Variants in UBR4 observed in about 807,000 individuals in gnomAD.
The protein encoded by UBR4 is ubiquitin protein ligase E3 component n-recognin 4.
In UBR4, 124 loss-of-function variants were observed where a neutral mutation model predicts 575.6. That is an observed-to-expected ratio of 0.22 (90% confidence interval 0.19 to 0.25). The LOEUF (loss-of-function observed/expected upper bound fraction) is 0.25. Among genes scored for constraint, UBR4 ranks in the 10% least tolerant of loss-of-function variants. The probability of loss-of-function intolerance (pLI) is 1.00; values close to 1 mark genes in which losing one functional copy is unlikely to be tolerated. For missense variants in UBR4, 4,818 were observed against 6,478.8 expected, an observed-to-expected ratio of 0.74 and a Z score of 8.80; for synonymous variants, 2,455 against 2,473.7, an observed-to-expected ratio of 0.99 and a Z score of 0.22.
rs1346213913 is a variant in UBR4, at chr1:19,148,565, T to G, written c.7492A>C (p.Lys2498Gln). Residue 2498 changes from lysine to glutamine, a missense_variant and splice_region_variant, in exon 50 of 106, where the codon AAG (lysine) becomes CAG (glutamine). Around this residue, in one of 29 missense-constraint regions of UBR4, gnomAD observed 340 missense variants for 375.4 expected, o/e 0.91. Transcript: ENST00000375254. ...TGTGCTTTGAAAAAGTGACTTGCCT[T>G]CTCGATGATTGGGCCAACGGCAAAG... The part of the protein sequence containing the change: ...SCFAVGPIIE[K>Q]ERNKNAAQEL... 1.2e-5 allele frequency: 20 copies of G among 1,614,082 alleles called. No individual in the cohort carries two copies. Among genetic ancestry groups the G allele is most frequent in the Non-Finnish European group, 1.5e-5 (18 of 1,180,024 alleles).
chr1:19,182,254 T>A (rs1243160059), intron 17 of UBR4, among the ~76,000 whole-genome samples: 1 of 152,238 alleles, frequency 6.6e-6, no homozygotes, highest in Admixed American at 6.5e-5. Flanking sequence ...AATACTGCTA[T>A]GAACATGGGT....
chr1:19,120,383 T>C, intron 68 of UBR4, 35 bp from the exon 69 acceptor site: 1 of 1,602,664 alleles, frequency 6.2e-7, no homozygotes, highest in Non-Finnish European at 8.5e-7. Flanking sequence ...GGCTGAAGAG[T>C]AGGAAGAAGT....
chr1:19,117,098 G>T lies in UBR4; in HGVS notation c.10823+123C>A. 1 of 1,030,994 alleles carries T rather than the reference G, an allele frequency of 9.7e-7. No homozygotes were observed. Among genetic ancestry groups the T allele is most frequent in the Non-Finnish European group, 1.4e-6 (1 of 690,650 alleles). 63.9% of individuals were successfully genotyped at this position (1,030,994 alleles called of 1,614,324 possible). A position where few individuals can be genotyped will look rare whatever the true frequency, so the allele number is the denominator to read the frequency against. ...TTTGTCCTTTGGTCATGAATGGAGG[G>T]GCCAAGAGGATGTATTAGGCCTCTA... On this transcript the variant is annotated intron_variant, in intron 73 of 105. Coordinates refer to ENST00000375254, the MANE Select transcript of UBR4 (RefSeq NM_020765.3). This position sits in a 1 kb window ranked among gnomAD's most constrained non-coding sequence, Gnocchi z 4.0.
chr1:19,105,316 G>T, intron 84 of UBR4, 127 bp from the exon 85 acceptor site: 2 of 1,156,990 alleles, frequency 1.7e-6, no homozygotes, highest in Non-Finnish European at 2.4e-6. Flanking sequence ...CCTAGAGGGT[G>T]GAGGAACAGC....
intron 27 of UBR4, among the ~76,000 whole-genome samples, chr1:19,168,977 C>CAA (rs35946919): frequency 0.49 from 56,633 of 116,430 alleles, 12,320 homozygotes; most frequent in East Asian, 0.77. Flanking sequence ...GACTCCGTCT[C>CAA]AAAAAAAAAA....
chr1:19,198,447 T>C (rs1461989632), intron 5 of UBR4, 94 bp downstream of exon 5: 11 of 1,477,122 alleles, frequency 7.4e-6, no homozygotes, highest in South Asian at 2.7e-5. Flanking sequence ...TATCATTTTA[T>C]ATCACAAACA....
rs751382048 is a variant in UBR4 at position 19,157,791 on chromosome 1, G to A, written c.5760+24C>T. 1 of 1,609,614 alleles carries A rather than the reference G, an allele frequency of 6.2e-7. No individual in the cohort carries two copies. Among genetic ancestry groups the A allele is most frequent in the Non-Finnish European group, 8.5e-7 (1 of 1,176,642 alleles). ...TTTAAGACAATATGACCTAAAGTAA[G>A]CGCACAAGAATTGGAGGACCCACCT... On this transcript the variant is annotated intron_variant, in intron 40 of 105. Transcript: ENST00000375254. This position sits in a 1 kb window ranked among gnomAD's most constrained non-coding sequence, Gnocchi z 4.4.
chr1:19,119,794 C>T (rs1446385217), intron 69 of UBR4, 93 bp from the exon 70 acceptor site: 4 of 1,480,650 alleles, frequency 2.7e-6, no homozygotes, highest in Admixed American at 2.0e-5. Flanking sequence ...AATTTCCCCA[C>T]AATTATGGGT....
Position 19,173,293 on chromosome 1 carries a change from T to G in UBR4, c.3179A>C (p.Lys1060Thr). 6.2e-7 allele frequency: 1 copy of G among 1,614,202 alleles called. No individual in the cohort carries two copies. Among genetic ancestry groups the G allele is most frequent in the Non-Finnish European group, 8.5e-7 (1 of 1,180,036 alleles). ...YVNWIKDHLI[K>T]QGMKAEHASS... ...AGCATGCTCAGCCTTCATTCCCTGTTTGATAAGGTGATCCTATTTGGACAG... is the reference window on the plus strand; with the variant it reads ...AGCATGCTCAGCCTTCATTCCCTGTGTGATAAGGTGATCCTATTTGGACAG... The change falls in exon 24 of 106, where the codon AAA becomes ACA. Residue 1060 changes from lysine (K) to threonine (T), a missense_variant. Coordinates refer to ENST00000375254, the MANE Select transcript of UBR4 (RefSeq NM_020765.3).
rs531907727 is a variant in UBR4, at chr1:19,188,822, A to G, written c.1395-1282T>C. ...ATCTCTGCAAAAAATTTTAAAAATT[A>G]GCTGGGCATGGTGGTGCACACCTGT... On this transcript the variant is annotated intron_variant, in intron 11 of 105. Transcript: ENST00000375254. Among the ~76,000 whole-genome samples the G allele has an allele frequency of 5.3e-5, 8 of 152,242 alleles. No individual in the cohort carries two copies. The East Asian group carries it at 1.5e-3, about 29-fold the overall frequency.
intron 17 of UBR4, among the ~76,000 whole-genome samples, chr1:19,180,103 G>C (rs1320698348): frequency 2.6e-5 from 4 of 152,174 alleles, no homozygotes. Flanking sequence ...GAGACAGGAA[G>C]TATTATGTGC....
Position 19,168,018 on chromosome 1 carries a change from G to C in UBR4, c.3899+9C>G. On this transcript the variant is annotated intron_variant, in intron 28 of 105. Coordinates refer to ENST00000375254, the MANE Select transcript of UBR4 (RefSeq NM_020765.3). ...ATAGAGTCCTTGGGGCTAGGTAGTAGGTACTTACACAATAAGATCTCCAGT... is the reference window on the plus strand; with the variant it reads ...ATAGAGTCCTTGGGGCTAGGTAGTACGTACTTACACAATAAGATCTCCAGT... The C allele has an allele frequency of 6.2e-7, 1 of 1,605,564 alleles. No homozygotes were observed. The highest frequency in any genetic ancestry group is 8.5e-7 in the Non-Finnish European group (1 of 1,174,002).
intron 102 of UBR4, among the ~76,000 whole-genome samples, chr1:19,082,867 T>G (rs1240085020): frequency 6.6e-6 from 1 of 152,158 alleles, no homozygotes; most frequent in Non-Finnish European, 1.5e-5. Context: ...TGCTGTGACA[T>G]ACTTGCCTCC....
At chr1:19,094,455 T>C (rs2077825515) in intron 94 of UBR4, among the ~76,000 whole-genome samples, 1 of 152,100 alleles carries the variant, frequency 6.6e-6, no homozygotes, top group Non-Finnish European at 1.5e-5. Flanking sequence ...TTAGCACCAA[T>C]AAGAATGGAG....
At position 19,113,817 on chromosome 1, in the gene UBR4, C is replaced by T. The variant is rs761439964; in HGVS notation, c.11339G>A (p.Gly3780Glu). The T allele has an allele frequency of 2.5e-6, 4 of 1,614,186 alleles. No individual in the cohort carries two copies. The highest frequency in any genetic ancestry group is 3.4e-6 in the Non-Finnish European group (4 of 1,180,002). The change falls in exon 77 of 106, where the codon GGA becomes GAA. Residue 3780 changes from glycine (G) to glutamate (E), a missense_variant. Physicochemically the swap from Gly to Glu is moderately conservative, Grantham distance 98. Coordinates refer to ENST00000375254, the MANE Select transcript of UBR4 (RefSeq NM_020765.3). ...AGTGGAGCTGATGCCCCCTGCTGTT[C>T]CTGAGTCATCCTGCAACCCCAAGAG... is the stretch of plus-strand genomic sequence containing the variant. ...AAPEKPQDDS[G>E]TAGGISSTSA...
In UBR4 at chr1:19,088,541, T is replaced by A. The variant is rs1302038429; in HGVS notation, c.14430+218A>T. Among the ~76,000 whole-genome samples the A allele has an allele frequency of 1.3e-5, 2 of 152,232 alleles. No individual in the cohort carries two copies. The highest frequency in any genetic ancestry group is 2.4e-5 in the African/African-American group (1 of 41,454). ...AACTTAATGGCTATTATCACTGGTT[T>A]ACTGTTTTGGTAAACTTCGTAAGTC... On this transcript the variant is annotated intron_variant, in intron 98 of 105. Transcript: ENST00000375254. This position sits in a 1 kb window ranked among gnomAD's most constrained non-coding sequence, Gnocchi z 4.0.
chr1:19,123,204 C>T, intron 65 of UBR4, 144 bp from the exon 66 acceptor site: 2 of 872,344 alleles, frequency 2.3e-6, no homozygotes, highest in South Asian at 1.7e-5. Flanking sequence ...GTAATCCCAG[C>T]ACTTTGGAAT....
Position 19,074,768 on chromosome 1 carries a change from A to G in UBR4, c.*64T>C. ...CGCGGAGGGAACTTAATGCACAAGG[A>G]GGGAGAACAGAGGGTGGAAGGCAAG... On this transcript the variant is annotated 3_prime_UTR_variant, in exon 106 of 106. Coordinates refer to ENST00000375254, the MANE Select transcript of UBR4 (RefSeq NM_020765.3). The G allele has an allele frequency of 6.4e-7, 1 of 1,564,222 alleles. No individual in the cohort carries two copies. Among genetic ancestry groups the G allele is most frequent in the South Asian group, 1.1e-5 (1 of 88,316 alleles).
intron 8 of UBR4, among the ~76,000 whole-genome samples, chr1:19,194,855 C>G (rs952082715): frequency 1.3e-5 from 2 of 151,910 alleles, no homozygotes; most frequent in African/African-American, 4.8e-5. Flanking sequence ...AATCTAGAAG[C>G]AGGCACAGTC....
Sources: allele counts gnomAD v4.1 joint callset (sites outside exome capture counted in the v4.1 genomes callset), GRCh38; gene constraint gnomAD v4.1.1; regional missense constraint gnomAD v4.1.1; non-coding constraint Gnocchi (gnomAD v3.1); transcripts MANE v1.5; gene names NCBI Gene and HGNC (gene_info 2026-07-23, HGNC 2026-07-21).